The following COL5A2 variants were observed in gnomAD, a reference collection of about 807,000 sequenced individuals.
COL5A2 encodes collagen type V alpha 2 chain, also known as collagen alpha-2(V) chain.
A neutral mutation model predicts 208.2 loss-of-function variants in COL5A2; 23 were observed. The observed-to-expected ratio is 0.11, with a 90% CI of 0.08 to 0.16. The LOEUF (loss-of-function observed/expected upper bound fraction) is 0.16, where lower values mean the gene tolerates loss of function less well. Ranked by LOEUF, COL5A2 falls within the 10% of genes least tolerant of loss-of-function variation. The probability of loss-of-function intolerance (pLI) is 1.00; values close to 1 mark genes in which losing one functional copy is unlikely to be tolerated. For synonymous variants in COL5A2, 625 were observed against 628.5 expected (o/e 0.99, Z 0.08); for missense variants, 1,590 against 1,956.4 (o/e 0.81, Z 3.53).
At chr2:189,214,915 A>T (rs1023938221) in intron 1 of COL5A2, among the ~76,000 whole-genome samples, 1 of 152,148 alleles carries the variant, frequency 6.6e-6, no homozygotes, top group African/African-American at 2.4e-5. Flanking sequence ...TTTTGCCAGG[A>T]CCTGATCTAG....
chr2:189,330,605 G>A, the COL5A2 span, among the ~76,000 whole-genome samples: 1 of 152,174 alleles, frequency 6.6e-6, no homozygotes, highest in Non-Finnish European at 1.5e-5. Context: ...TGTCCGTTGA[G>A]AAATCTGACA....
intron 7 of COL5A2, among the ~76,000 whole-genome samples, chr2:189,091,439 G>T (rs1402885708): frequency 6.6e-6 from 1 of 151,992 alleles, no homozygotes; most frequent in South Asian, 2.1e-4. Context: ...GCAATTCCAG[G>T]CTTCAGCAAT....
the COL5A2 span, among the ~76,000 whole-genome samples, chr2:189,283,317 A>C: frequency 1.3e-5 from 2 of 151,974 alleles, no homozygotes; most frequent in Admixed American, 1.3e-4. Context: ...CAAAGGAGAA[A>C]AGATAAAATT....
chr2:189,424,443 C>A, the COL5A2 span, among the ~76,000 whole-genome samples: 1 of 152,120 alleles, frequency 6.6e-6, no homozygotes, highest in South Asian at 2.1e-4. Flanking sequence ...AAAAAATCTT[C>A]CAAATAATTG....
At chr2:189,148,409 A>C (rs553228662) in intron 1 of COL5A2, among the ~76,000 whole-genome samples, 214 of 152,240 alleles carry the variant, frequency 1.4e-3, no homozygotes, top group African/African-American at 5.0e-3. Context: ...CCACAGACCC[A>C]AGGGAGGTAA....
upstream of COL5A2, among the ~76,000 whole-genome samples, chr2:189,183,755 C>T (rs1423749171): frequency 2.0e-5 from 3 of 152,054 alleles, no homozygotes; most frequent in African/African-American, 7.2e-5. Context: ...CTCCCAGTTA[C>T]CTACAAAATA....
the COL5A2 span, among the ~76,000 whole-genome samples, chr2:189,252,248 C>A: frequency 1.3e-5 from 2 of 152,224 alleles, no homozygotes; most frequent in Non-Finnish European, 1.5e-5. Flanking sequence ...TTGACCCAGC[C>A]ATCCCATTAC....
At chr2:189,231,395 TAAAG>T in the COL5A2 span, among the ~76,000 whole-genome samples, 64 of 151,626 alleles carry the variant, frequency 4.2e-4, no homozygotes, top group African/African-American at 1.5e-3. Flanking sequence ...AATAAGAGAA[TAAAG>T]AAAGAGAAAG....
At chr2:189,094,107 T>C (rs1479152830) in intron 6 of COL5A2, among the ~76,000 whole-genome samples, 1 of 152,218 alleles carries the variant, frequency 6.6e-6, no homozygotes, top group East Asian at 1.9e-4. Context: ...TCCATTCTTC[T>C]GTAATTAACA....
the COL5A2 span, among the ~76,000 whole-genome samples, chr2:189,323,738 C>T: frequency 3.6e-4 from 55 of 152,262 alleles, no homozygotes; most frequent in Middle Eastern, 6.8e-3. Context: ...TGAAAATGGC[C>T]ATACTGCCCA....
chr2:189,174,628 G>A (rs1332561071), intron 1 of COL5A2, among the ~76,000 whole-genome samples: 1 of 152,114 alleles, frequency 6.6e-6, no homozygotes, highest in East Asian at 1.9e-4. Context: ...CAGATGCCCA[G>A]ACCCCATCCA....
chr2:189,148,284 G>A (rs1688078778), intron 1 of COL5A2, among the ~76,000 whole-genome samples: 1 of 152,098 alleles, frequency 6.6e-6, no homozygotes, highest in African/African-American at 2.4e-5. Context: ...CATATATATA[G>A]TAGTATCTGA....
chr2:189,112,567 T>G (rs762280625), intron 1 of COL5A2, among the ~76,000 whole-genome samples: 1 of 152,202 alleles, frequency 6.6e-6, no homozygotes, highest in Non-Finnish European at 1.5e-5. Context: ...AAAATTGCTT[T>G]CAGAGAGTAA....
intron 1 of COL5A2, among the ~76,000 whole-genome samples, chr2:189,111,336 A>G (rs1194406120): frequency 6.6e-6 from 1 of 152,206 alleles, no homozygotes; most frequent in Non-Finnish European, 1.5e-5. Context: ...TTTATAAGAA[A>G]TACTACAGAA....
At chr2:189,074,792 A>G (rs1686367300) in intron 17 of COL5A2, among the ~76,000 whole-genome samples, 1 of 152,160 alleles carries the variant, frequency 6.6e-6, no homozygotes, top group African/African-American at 2.4e-5. Context: ...CTACCATAAT[A>G]ACTTTAGTTC....
At chr2:189,063,403 C>T (rs1188087659) in intron 26 of COL5A2, 133 bp from the exon 27 acceptor site, 6 of 782,192 alleles carry the variant, frequency 7.7e-6, no homozygotes, top group Non-Finnish European at 1.1e-5. Flanking sequence ...GTTAAAGAAT[C>T]AGGACAGTTG....
At chr2:189,052,123 G>C (rs201021184) in intron 41 of COL5A2, 49 bp downstream of exon 41, 69 of 1,434,836 alleles carry the variant, frequency 4.8e-5, no homozygotes, top group Non-Finnish European at 6.7e-5. Flanking sequence ...GTATACGTGT[G>C]TGTGTAATTA....
At chr2:189,354,728 C>T in the COL5A2 span, among the ~76,000 whole-genome samples, 1 of 152,100 alleles carries the variant, frequency 6.6e-6, no homozygotes, top group African/African-American at 2.4e-5. Context: ...TTCAAAAAAC[C>T]AACTCCTGTA....
chr2:189,064,089 T>C, intron 25 of COL5A2, 56 bp from the exon 26 acceptor site: 1 of 1,387,402 alleles, frequency 7.2e-7, no homozygotes, highest in African/African-American at 1.4e-5. Context: ...GAAGTAAAGA[T>C]TCTTAAGAGT....
Sources: gnomAD v4.1 joint callset for allele counts (sites outside exome capture counted in the v4.1 genomes callset) on GRCh38, gnomAD v4.1.1 for gene constraint, MANE v1.5 for transcripts, NCBI Gene and HGNC (gene_info 2026-07-23, HGNC 2026-07-21) for gene names.